The following HARS1 variants were observed in gnomAD, a reference collection of about 807,000 sequenced individuals.
The protein encoded by HARS1 is histidyl-tRNA synthetase 1.
HARS1 carries 45 observed loss-of-function variants against 63.6 expected under a neutral mutation model. The observed-to-expected ratio is 0.71, with a 90% CI of 0.56 to 0.91. The LOEUF (loss-of-function observed/expected upper bound fraction) is 0.91. Among genes scored for constraint, HARS1 ranks in the 40% least tolerant of loss-of-function variants. The pLI, the probability that HARS1 is intolerant of heterozygous loss-of-function variation, is 0.00. For synonymous variants in HARS1, 205 were observed against 247.1 expected (o/e 0.83, Z 1.60); for missense variants, 508 against 643.2 (o/e 0.79, Z 2.27).
chr5:140,678,259 G>A (rs1758511215), intron 5 of HARS1: 1 of 547,680 alleles, frequency 1.8e-6, no homozygotes, highest in Non-Finnish European at 3.3e-6. Context: ...TCCTCCTACT[G>A]GATGGGGTGA....
At chr5:140,683,021 T>A (rs953962494) in intron 3 of HARS1, 79 bp downstream of exon 3, 8 of 1,392,728 alleles carry the variant, frequency 5.7e-6, no homozygotes, top group Non-Finnish European at 8.0e-6. Flanking sequence ...CTTTGGACCC[T>A]CACTCTCTTG....
chr5:140,678,850 A>C, intron 5 of HARS1, 152 bp downstream of exon 5: 1 of 794,232 alleles, frequency 1.3e-6, no homozygotes, highest in South Asian at 1.9e-5. Context: ...TCTCAAAAAA[A>C]CAAAAAACAA....
chr5:140,690,934 T>C lies in HARS1; in HGVS notation c.101A>G (p.Glu34Gly). The change falls in exon 2 of 13, where the codon GAG becomes GGG. Residue 34 changes from glutamate (E) to glycine (G), a missense_variant. Coordinates refer to ENST00000504156, the MANE Select transcript of HARS1 (RefSeq NM_002109.6). ...QKASAELIEE[E>G]VAKLLKLKAQ... ...CTTCAGTTTCAGGAGTTTCGCCACC[T>C]CCTCCTCGATCTGTGGAGGGAAAGA... The C allele has an allele frequency of 6.3e-7, 1 of 1,594,038 alleles. No individual in the cohort carries two copies. Among genetic ancestry groups the C allele is most frequent in the Non-Finnish European group, 8.6e-7 (1 of 1,161,844 alleles).
In HARS1 at chr5:140,690,931, ACCT is replaced by A. The variant is rs962526639; in HGVS notation, c.101_103del (p.Glu34del). On this transcript the variant is annotated inframe_deletion, in exon 2 of 13. Coordinates refer to ENST00000504156, the MANE Select transcript of HARS1 (RefSeq NM_002109.6). ...TGCCTTCAGTTTCAGGAGTTTCGCC[ACCT>A]CCTCCTCGATCTGTGGAGGGAAAGA... The A allele has an allele frequency of 1.4e-5, 22 of 1,600,472 alleles. No individual in the cohort carries two copies. Among genetic ancestry groups the A allele is most frequent in the Non-Finnish European group, 1.9e-5 (22 of 1,167,934 alleles).
rs569437136 is a variant in HARS1, at chr5:140,678,640, C to T, written c.522+362G>A. ...CAGGCGGATCATGAGACCAGGAGTT[C>T]GAGACCAGCCTGGCCAACATGGTAA... On this transcript the variant is annotated intron_variant, in intron 5 of 12. Coordinates refer to ENST00000504156, the MANE Select transcript of HARS1 (RefSeq NM_002109.6). 3.5e-5 allele frequency: 6 copies of T among 171,146 alleles called. No individual in the cohort carries two copies. The South Asian group carries it at 5.4e-4, about 15-fold the overall frequency. 10.6% of individuals were successfully genotyped at this position (171,146 alleles called of 1,614,324 possible).
At position 140,674,101 on chromosome 5, in the gene HARS1, A is replaced by G; in HGVS notation, c.*156T>C. The G allele has an allele frequency of 1.4e-6, 1 of 708,686 alleles. No homozygotes were observed. Among genetic ancestry groups the G allele is most frequent in the Non-Finnish European group, 2.6e-6 (1 of 383,824 alleles). 43.9% of individuals were successfully genotyped at this position (708,686 alleles called of 1,614,324 possible). Reference sequence around the variant, plus strand: ...GCCGTTTTTGCCAGTAATAATCAATAAAATAACCATAATAAAAATCAAAGG... The same window carrying G: ...GCCGTTTTTGCCAGTAATAATCAATGAAATAACCATAATAAAAATCAAAGG... On this transcript the variant is annotated 3_prime_UTR_variant, in exon 13 of 13. Coordinates refer to ENST00000504156, the MANE Select transcript of HARS1 (RefSeq NM_002109.6).
rs1467476836 is a variant in HARS1, at chr5:140,674,071, A to T, written c.*186T>A. ...GGGCCTTGTATGAAAAAGGTGTTGTACCTGGCCGTTTTTGCCAGTAATAAT... is the reference window on the plus strand; with the variant it reads ...GGGCCTTGTATGAAAAAGGTGTTGTTCCTGGCCGTTTTTGCCAGTAATAAT... On this transcript the variant is annotated 3_prime_UTR_variant, in exon 13 of 13. Coordinates refer to ENST00000504156, the MANE Select transcript of HARS1 (RefSeq NM_002109.6). 3.0e-6 allele frequency: 2 copies of T among 667,712 alleles called. No homozygotes were observed. The highest frequency in any genetic ancestry group is 3.6e-5 in the African/African-American group (2 of 56,100). The allele number at this position is 667,712 out of a possible 1,614,324, so 41.4% of individuals were successfully genotyped here.
At chr5:140,688,761 A>AAAATTT (rs1189545932) in intron 2 of HARS1, among the ~76,000 whole-genome samples, 4 of 152,198 alleles carry the variant, frequency 2.6e-5, no homozygotes, top group African/African-American at 9.6e-5. Flanking sequence ...GTCCTAAAAA[A>AAAATTT]AAATTTTCAC....
intron 2 of HARS1, among the ~76,000 whole-genome samples, chr5:140,688,801 T>C (rs1163091615): frequency 6.6e-6 from 1 of 152,242 alleles, no homozygotes; most frequent in East Asian, 1.9e-4. Context: ...ATATGCTTGA[T>C]GTGCCATCTA....
intron 12 of HARS1, 103 bp from the exon 13 acceptor site, chr5:140,674,431 T>C: frequency 2.2e-6 from 2 of 920,294 alleles, no homozygotes; most frequent in East Asian, 2.4e-5. Flanking sequence ...TTGTCTCAGC[T>C]GGGAGCAGGA....
intron 3 of HARS1, among the ~76,000 whole-genome samples, chr5:140,681,057 G>A (rs1033047279): frequency 1.3e-5 from 2 of 152,120 alleles, no homozygotes; most frequent in African/African-American, 4.8e-5. Flanking sequence ...CTTGCCCTGT[G>A]ATGTCTATCA....
intron 5 of HARS1, chr5:140,678,290 G>C (rs1315437854): frequency 2.1e-6 from 1 of 468,320 alleles, no homozygotes; most frequent in Non-Finnish European, 3.8e-6. Flanking sequence ...TTAGTGCTTA[G>C]CCATTTTCCC....
intron 3 of HARS1, among the ~76,000 whole-genome samples, chr5:140,682,261 C>G (rs772450207): frequency 6.6e-6 from 1 of 151,758 alleles, no homozygotes. Context: ...AATCTGCAGT[C>G]TCTAGTATAA....
In HARS1 at chr5:140,678,831, G is replaced by A. The variant is rs535748234; in HGVS notation, c.522+171C>T. On this transcript the variant is annotated intron_variant, in intron 5 of 12. Transcript: ENST00000504156. Reference sequence around the variant, plus strand: ...TGCACTCCAGCTTGGGCAACAGAGCGAGACTCCGTCTCAAAAAAACAAAAA... The same window carrying A: ...TGCACTCCAGCTTGGGCAACAGAGCAAGACTCCGTCTCAAAAAAACAAAAA... The A allele has an allele frequency of 6.8e-4, 425 of 624,002 alleles. 7 individuals are homozygous for A. The South Asian group carries it at 8.4e-3, about 12-fold the overall frequency. 38.7% of individuals were successfully genotyped at this position (624,002 alleles called of 1,614,324 possible).
At chr5:140,680,002 A>G in intron 3 of HARS1, 119 bp from the exon 4 acceptor site, 2 of 549,406 alleles carry the variant, frequency 3.6e-6, no homozygotes, top group Non-Finnish European at 6.5e-6. Context: ...CTTTATCCCA[A>G]TTCTTAGGTG....
chr5:140,681,658 ACT>A (rs904801682), intron 3 of HARS1, among the ~76,000 whole-genome samples: 106 of 151,818 alleles, frequency 7.0e-4, no homozygotes, highest in African/African-American at 2.4e-3. Flanking sequence ...ACAGAGCGAG[ACT>A]CTGTCTCAAT....
At chr5:140,678,829 G>A (rs1224007191) in intron 5 of HARS1, 173 bp downstream of exon 5, 1 of 611,420 alleles carries the variant, frequency 1.6e-6, no homozygotes, top group Non-Finnish European at 2.7e-6. Flanking sequence ...GGGCAACAGA[G>A]CGAGACTCCG....
intron 2 of HARS1, chr5:140,684,310 CAAA>C: frequency 1.7e-6 from 1 of 597,154 alleles, no homozygotes; most frequent in Non-Finnish European, 2.0e-6. Context: ...AAAACAAAAA[CAAA>C]CCCAACCAAA....
In HARS1 at chr5:140,691,328, T is replaced by C. The variant is rs759634411; in HGVS notation, c.-24A>G. 1.9e-6 allele frequency: 3 copies of C among 1,577,248 alleles called. No homozygotes were observed. The South Asian group carries it at 3.4e-5, about 18-fold the overall frequency. On this transcript the variant is annotated 5_prime_UTR_variant, in exon 1 of 13. Coordinates refer to ENST00000504156, the MANE Select transcript of HARS1 (RefSeq NM_002109.6). ...ATCCCGGCTGTCCACTTGAGCCGCC[T>C]GCTGTCTCGACCTGCGGTGGTTGCC...
Sources: gnomAD v4.1 joint callset for allele counts (sites outside exome capture counted in the v4.1 genomes callset) on GRCh38, gnomAD v4.1.1 for gene constraint, MANE v1.5 for transcripts, NCBI Gene and HGNC (gene_info 2026-07-23, HGNC 2026-07-21) for gene names.